The following RXFP1 variants were observed in gnomAD, a reference collection of about 807,000 sequenced individuals.
The protein encoded by RXFP1 is relaxin family peptide receptor 1.
Under a neutral mutation model 89.8 loss-of-function variants are expected in RXFP1, and 73 were observed. That is an observed-to-expected ratio of 0.81 (90% confidence interval 0.67 to 0.99). RXFP1 has a LOEUF of 0.99. RXFP1 is among the 50% of genes least tolerant of loss of function. The probability of loss-of-function intolerance (pLI) is 0.00; values close to 1 mark genes in which losing one functional copy is unlikely to be tolerated. For synonymous variants in RXFP1, 277 were observed against 305.5 expected (o/e 0.91, Z 0.97); for missense variants, 793 against 895.5 (o/e 0.89, Z 1.46).
Position 158,521,899 on chromosome 4 carries a change from A to T in RXFP1, c.-78A>T. 1.1e-6 allele frequency: 1 copy of T among 883,154 alleles called. No homozygotes were observed. Among genetic ancestry groups the T allele is most frequent in the Non-Finnish European group, 1.9e-6 (1 of 532,992 alleles). The allele number at this position is 883,154 out of a possible 1,614,324, so 54.7% of individuals were successfully genotyped here. ...TTGCAGACAGAAATAGCACACAACC[A>T]CTGTGAGCTGTATGCGATTCAGAAA... On this transcript the variant is annotated 5_prime_UTR_variant, in exon 1 of 18. Coordinates refer to ENST00000307765, the MANE Select transcript of RXFP1 (RefSeq NM_021634.4).
At chr4:158,579,230 G>A (rs997038032) in intron 2 of RXFP1, among the ~76,000 whole-genome samples, 5 of 151,902 alleles carry the variant, frequency 3.3e-5, no homozygotes, top group East Asian at 1.9e-4. Flanking sequence ...GGTTGCAGAC[G>A]TCTGGCCTCC....
At chr4:158,550,353 C>T (rs531819042) in intron 1 of RXFP1, among the ~76,000 whole-genome samples, 9 of 152,318 alleles carry the variant, frequency 5.9e-5, no homozygotes, top group Admixed American at 3.3e-4. Context: ...TGTCTGTCAC[C>T]GCTTTCTTTG....
chr4:158,551,294 GA>G (rs1750049145), intron 1 of RXFP1, among the ~76,000 whole-genome samples: 1 of 152,184 alleles, frequency 6.6e-6, no homozygotes. Flanking sequence ...GTCGAGTGGG[GA>G]GTACCAGGGT....
At chr4:158,586,098 A>G (rs1396596926) in intron 2 of RXFP1, among the ~76,000 whole-genome samples, 2 of 152,370 alleles carry the variant, frequency 1.3e-5, no homozygotes, top group East Asian at 1.9e-4. Flanking sequence ...CCCAGACTCC[A>G]TGCTGACCAA....
intron 2 of RXFP1, among the ~76,000 whole-genome samples, chr4:158,581,059 G>T (rs999005397): frequency 2.0e-5 from 3 of 152,086 alleles, no homozygotes; most frequent in African/African-American, 7.2e-5. Context: ...CAAAGTGCTG[G>T]GATTGCAGGC....
At chr4:158,585,474 G>A (rs73860531) in intron 2 of RXFP1, among the ~76,000 whole-genome samples, 1 of 152,098 alleles carries the variant, frequency 6.6e-6, no homozygotes, top group Admixed American at 6.6e-5. Context: ...CTAACAACAT[G>A]GGGGGAGAGA....
rs960905800 is a variant in RXFP1 at position 158,644,890 on chromosome 4, C to T, written c.1116-19C>T. The T allele has an allele frequency of 9.1e-6, 14 of 1,536,814 alleles. No homozygotes were observed. The highest frequency in any genetic ancestry group is 2.3e-5 in the East Asian group (1 of 44,264). ...GAATTAAATGGAAAATCTTATTTTA[C>T]TTTCTCTTTGTACACCAGATATTTT... On this transcript the variant is annotated intron_variant, in intron 14 of 17. Coordinates refer to ENST00000307765, the MANE Select transcript of RXFP1 (RefSeq NM_021634.4).
At chr4:158,645,225 ATT>A in intron 15 of RXFP1, 87 bp downstream of exon 15, 2 of 982,242 alleles carry the variant, frequency 2.0e-6, no homozygotes, top group Non-Finnish European at 3.1e-6. Flanking sequence ...GAGTGGTAGA[ATT>A]ATGGAATTTT....
chr4:158,651,728 A>G (rs781226820), intron 17 of RXFP1, 29 bp from the exon 18 acceptor site: 3 of 1,551,038 alleles, frequency 1.9e-6, no homozygotes, highest in Non-Finnish European at 2.6e-6. Context: ...ATCTATAAAC[A>G]CTAAAACTAT....
At chr4:158,631,718 A>C (rs1249944939) in intron 11 of RXFP1, among the ~76,000 whole-genome samples, 1 of 152,218 alleles carries the variant, frequency 6.6e-6, no homozygotes, top group African/African-American at 2.4e-5. Flanking sequence ...CATTCGGGTC[A>C]TGGTGAAAAG....
chr4:158,642,118 G>A (rs1770493849), intron 14 of RXFP1, among the ~76,000 whole-genome samples: 1 of 151,744 alleles, frequency 6.6e-6, no homozygotes, highest in Admixed American at 6.6e-5. Flanking sequence ...TTTTACTGTG[G>A]CACTTCCACG....
At chr4:158,540,371 A>T (rs1034596956) in intron 1 of RXFP1, among the ~76,000 whole-genome samples, 1 of 152,102 alleles carries the variant, frequency 6.6e-6, no homozygotes, top group South Asian at 2.1e-4. Flanking sequence ...TGACATTGCC[A>T]TGGCGCCTGT....
Position 158,544,717 on chromosome 4 carries a change from A to G in RXFP1, c.49+22692A>G, listed in dbSNP as rs560143601. ...GAGGTGTTTGGTTTTTTGTCCTTGC[A>G]ATAGTTTGCTGAGAATGATGGTTTC... On this transcript the variant is annotated intron_variant, in intron 1 of 17. Transcript: ENST00000307765. 3.5e-3 allele frequency among the ~76,000 whole-genome samples: 536 copies of G among 151,850 alleles called. 1 individual carries two copies. The highest frequency in any genetic ancestry group is 0.012 in the African/African-American group (508 of 41,380).
chr4:158,560,503 C>T (rs192308633), intron 1 of RXFP1, among the ~76,000 whole-genome samples: 17 of 152,294 alleles, frequency 1.1e-4, no homozygotes, highest in African/African-American at 3.6e-4. Flanking sequence ...AAGGACACTT[C>T]GGAGTTTCTC....
chr4:158,569,931 A>G (rs150621614), intron 1 of RXFP1, among the ~76,000 whole-genome samples: 287 of 152,266 alleles, frequency 1.9e-3, no homozygotes, highest in African/African-American at 6.4e-3. Context: ...GTTAAAGTGG[A>G]CTGCTTTTTG....
intron 1 of RXFP1, among the ~76,000 whole-genome samples, chr4:158,547,852 G>A (rs1047809312): frequency 6.6e-6 from 1 of 152,156 alleles, no homozygotes; most frequent in African/African-American, 2.4e-5. Flanking sequence ...CAATTGCTGA[G>A]GAGTGCTTTA....
At chr4:158,535,855 G>A (rs1257899547) in intron 1 of RXFP1, among the ~76,000 whole-genome samples, 1 of 152,076 alleles carries the variant, frequency 6.6e-6, no homozygotes, top group East Asian at 1.9e-4. Context: ...TCTGCGTTGT[G>A]TTTTCCACAC....
chr4:158,619,674 T>C (rs78571463), intron 9 of RXFP1, among the ~76,000 whole-genome samples: 9,084 of 152,136 alleles, frequency 0.06, 390 homozygotes, highest in Middle Eastern at 0.11. Flanking sequence ...AACTCCACCT[T>C]CTTCTCTAAA....
In RXFP1 at chr4:158,622,581, G is replaced by A. The variant is rs193189816; in HGVS notation, c.756-4239G>A. Among the ~76,000 whole-genome samples, 21 of 152,304 alleles carry A rather than the reference G, an allele frequency of 1.4e-4. No homozygotes were observed. In the East Asian group the frequency reaches 3.1e-3, roughly 22 times the overall value. ...CATTTTGACAATATGTGTGAACTTA[G>A]GGGACATTATGCTGAGTGAAATAAG... On this transcript the variant is annotated intron_variant, in intron 9 of 17. Coordinates refer to ENST00000307765, the MANE Select transcript of RXFP1 (RefSeq NM_021634.4).
Sources: gnomAD v4.1 joint callset for allele counts (sites outside exome capture counted in the v4.1 genomes callset) on GRCh38, gnomAD v4.1.1 for gene constraint, MANE v1.5 for transcripts, NCBI Gene and HGNC (gene_info 2026-07-23, HGNC 2026-07-21) for gene names.